Variants in CMKLR1 observed in about 807,000 individuals in gnomAD.
The protein encoded by CMKLR1 is chemerin chemokine-like receptor 1.
Under a neutral mutation model 8.2 loss-of-function variants are expected in CMKLR1, and 6 were observed. That is an observed-to-expected ratio of 0.73 (90% CI 0.40 to 1.44). The LOEUF (loss-of-function observed/expected upper bound fraction) is 1.44. CMKLR1 is among the 40% of genes most tolerant of loss of function. The probability of loss-of-function intolerance (pLI) is 0.02; values close to 1 mark genes in which losing one functional copy is unlikely to be tolerated. For missense variants in CMKLR1, 429 were observed against 478.0 expected (o/e 0.90, Z 0.96); for synonymous variants, 178 against 181.2 (o/e 0.98, Z 0.14).
chr12:108,299,414 A>T (rs770298042), intron 2 of CMKLR1, among the ~76,000 whole-genome samples: 12 of 152,172 alleles, frequency 7.9e-5, no homozygotes, highest in South Asian at 2.1e-4. Context: ...AGTCAACCTC[A>T]TCCCTAGCAA....
rs143519784 is a variant in CMKLR1 at position 108,337,721 on chromosome 12, C to G, written c.-287+1306G>C. The stretch of plus-strand genomic sequence containing the variant: ...GTTTTGGGGGAGTCCAAAGAAGGCC[C>G]CTGTGCATCAAGAGATAACTCTCCT... On this transcript the variant is annotated intron_variant, in intron 1 of 3. Coordinates refer to ENST00000550402, the MANE Select transcript of CMKLR1 (RefSeq NM_001142343.2). 1.4e-3 allele frequency among the ~76,000 whole-genome samples: 216 copies of G among 152,180 alleles called. 2 individuals are homozygous for G. Among genetic ancestry groups the G allele is most frequent in the African/African-American group, 4.9e-3 (202 of 41,524 alleles).
At chr12:108,321,926 T>C (rs965760028) in intron 2 of CMKLR1, among the ~76,000 whole-genome samples, 5 of 152,146 alleles carry the variant, frequency 3.3e-5, no homozygotes, top group African/African-American at 4.8e-5. Flanking sequence ...GTCTGGGTCA[T>C]AGGGGTGGAT....
intron 1 of CMKLR1, among the ~76,000 whole-genome samples, chr12:108,336,696 GC>G (rs1892234217): frequency 1.3e-5 from 2 of 152,184 alleles, no homozygotes; most frequent in Admixed American, 1.3e-4. Context: ...AATGAAATAA[GC>G]TTTTGGTTTT....
intron 1 of CMKLR1, among the ~76,000 whole-genome samples, chr12:108,338,288 C>T (rs1288166641): frequency 6.6e-6 from 1 of 151,952 alleles, no homozygotes; most frequent in Non-Finnish European, 1.5e-5. Flanking sequence ...TAAACATGCC[C>T]CCAGAGGAGA....
Position 108,331,504 on chromosome 12 carries a change from A to C in CMKLR1, c.-286-1297T>G, listed in dbSNP as rs536276950. Among the ~76,000 whole-genome samples the C allele has an allele frequency of 4.6e-5, 7 of 152,306 alleles. No homozygotes were observed. In the South Asian group the frequency reaches 1.5e-3, roughly 32 times the overall value. ...ATCTAAATTCGAAATTCAAGAAACA[A>C]TCAGATGCAGACCAATGTCACTGTT... On this transcript the variant is annotated intron_variant, in intron 1 of 3. Coordinates refer to ENST00000550402, the MANE Select transcript of CMKLR1 (RefSeq NM_001142343.2).
rs1890996572 is a variant in CMKLR1, at chr12:108,292,186, G to A, written c.777C>T (p.Phe259=). ...TAATGATGATGGTCACAATAATCTT[G>A]AAGGGCTTCTTGGTCTTGGCCAGGC... ...RNRLAKTKKP[F]KIIVTIIITF... The change falls in exon 4 of 4, where the codon TTC becomes TTT. Residue 259 remains phenylalanine, a synonymous_variant. Coordinates refer to ENST00000550402, the MANE Select transcript of CMKLR1 (RefSeq NM_001142343.2). 1 of 1,614,048 alleles carries A rather than the reference G, an allele frequency of 6.2e-7. No individual in the cohort carries two copies. Among genetic ancestry groups the A allele is most frequent in the South Asian group, 1.1e-5 (1 of 91,078 alleles).
chr12:108,332,717 A>G (rs59871549), intron 1 of CMKLR1, among the ~76,000 whole-genome samples: 1,982 of 152,264 alleles, frequency 0.013, 47 homozygotes, highest in African/African-American at 0.045. Flanking sequence ...CCTTGTGATC[A>G]TGTAAATTAA....
chr12:108,329,437 C>T (rs892003557), intron 2 of CMKLR1, among the ~76,000 whole-genome samples: 4 of 152,214 alleles, frequency 2.6e-5, no homozygotes, highest in African/African-American at 7.2e-5. Context: ...GAACCCAGCT[C>T]GAATATATGC....
intron 2 of CMKLR1, among the ~76,000 whole-genome samples, chr12:108,294,582 T>G (rs1179173148): frequency 6.6e-6 from 1 of 152,088 alleles, no homozygotes; most frequent in Non-Finnish European, 1.5e-5. Flanking sequence ...CCTCACAGAG[T>G]GTATATAAGA....
intron 2 of CMKLR1, among the ~76,000 whole-genome samples, chr12:108,318,550 T>C (rs1362777000): frequency 6.6e-6 from 1 of 152,176 alleles, no homozygotes; most frequent in African/African-American, 2.4e-5. Flanking sequence ...AGGAGAGAAT[T>C]CTGTGGATAT....
intron 2 of CMKLR1, among the ~76,000 whole-genome samples, chr12:108,329,597 T>G (rs1468323831): frequency 1.3e-5 from 2 of 152,162 alleles, no homozygotes. Flanking sequence ...CAGTAGTCAC[T>G]TACTGTTCTG....
chr12:108,297,421 G>T (rs1891166016), intron 2 of CMKLR1, among the ~76,000 whole-genome samples: 1 of 152,160 alleles, frequency 6.6e-6, no homozygotes, highest in Non-Finnish European at 1.5e-5. Context: ...TAAATTTTGG[G>T]GGAGTCAAAA....
intron 2 of CMKLR1, among the ~76,000 whole-genome samples, chr12:108,299,008 G>T (rs998355172): frequency 1.3e-5 from 2 of 152,256 alleles, no homozygotes; most frequent in East Asian, 3.8e-4. Flanking sequence ...TGCTTCTCCT[G>T]TCAGGGCCTC....
intron 2 of CMKLR1, among the ~76,000 whole-genome samples, chr12:108,312,907 G>A (rs143103581): frequency 6.6e-6 from 1 of 152,236 alleles, no homozygotes; most frequent in East Asian, 1.9e-4. Context: ...GACTCCCAGG[G>A]CAGGGAGTCT....
At chr12:108,334,271 G>T (rs1356064624) in intron 1 of CMKLR1, among the ~76,000 whole-genome samples, 1 of 152,224 alleles carries the variant, frequency 6.6e-6, no homozygotes, top group East Asian at 1.9e-4. Flanking sequence ...TCCCCTGAGG[G>T]CCTCAAAGAC....
chr12:108,298,671 C>T lies in CMKLR1; in HGVS notation c.-73-5007G>A, dbSNP rs534735413. Among the ~76,000 whole-genome samples the T allele has an allele frequency of 6.6e-5, 10 of 152,338 alleles. No homozygotes were observed. In the East Asian group the frequency reaches 1.3e-3, roughly 21 times the overall value. On this transcript the variant is annotated intron_variant, in intron 2 of 3. Coordinates refer to ENST00000550402, the MANE Select transcript of CMKLR1 (RefSeq NM_001142343.2). ...GGGGGTTACTCACCAGAGACCACATCATTCATCACAGCCCATAGAGGCAGG... is the reference window on the plus strand; with the variant it reads ...GGGGGTTACTCACCAGAGACCACATTATTCATCACAGCCCATAGAGGCAGG...
At chr12:108,322,074 T>C (rs1406359203) in intron 2 of CMKLR1, among the ~76,000 whole-genome samples, 2 of 152,166 alleles carry the variant, frequency 1.3e-5, no homozygotes, top group Non-Finnish European at 2.9e-5. Flanking sequence ...ATCTTTGCTT[T>C]TGGGTAATCA....
intron 2 of CMKLR1, among the ~76,000 whole-genome samples, chr12:108,311,389 AGG>A (rs1322733579): frequency 6.6e-6 from 1 of 152,158 alleles, no homozygotes; most frequent in Non-Finnish European, 1.5e-5. Context: ...CTGAGGCGGG[AGG>A]GTCACTTATA....
intron 2 of CMKLR1, among the ~76,000 whole-genome samples, chr12:108,297,667 T>G (rs2137298671): frequency 6.6e-6 from 1 of 152,366 alleles, no homozygotes; most frequent in South Asian, 2.1e-4. Flanking sequence ...CAGGGAGCTC[T>G]GACTCCAGAA....
Sources: allele counts gnomAD v4.1 joint callset (sites outside exome capture counted in the v4.1 genomes callset), GRCh38; gene constraint gnomAD v4.1.1; transcripts MANE v1.5; gene names NCBI Gene and HGNC (gene_info 2026-07-23, HGNC 2026-07-21).